Variants in CD47 observed in about 807,000 individuals in gnomAD.
CD47 encodes leukocyte surface antigen CD47.
In CD47, 11 loss-of-function variants were observed where a neutral mutation model predicts 44.6. The observed-to-expected ratio is 0.25, with a 90% CI of 0.16 to 0.41. The LOEUF (loss-of-function observed/expected upper bound fraction) is 0.41, where lower values mean the gene tolerates loss of function less well. Ranked by LOEUF, CD47 falls within the 10% of genes least tolerant of loss-of-function variation. CD47 has a pLI of 1.00. For synonymous variants in CD47, 140 were observed against 136.3 expected, an observed-to-expected ratio of 1.03 and a Z score of -0.19; for missense variants, 306 against 386.7, an observed-to-expected ratio of 0.79 and a Z score of 1.75.
intron 2 of CD47, among the ~76,000 whole-genome samples, chr3:108,076,951 A>C (rs1460319616): frequency 6.6e-6 from 1 of 152,192 alleles, no homozygotes; most frequent in Non-Finnish European, 1.5e-5. Flanking sequence ...TTCTTAAGCT[A>C]TTAAACAGTG....
intron 1 of CD47, among the ~76,000 whole-genome samples, chr3:108,090,192 C>A (rs1228933559): frequency 2.0e-5 from 3 of 151,158 alleles, no homozygotes; most frequent in Admixed American, 2.0e-4. Flanking sequence ...GCTGATGGGG[C>A]GTGAGGGTCA....
At chr3:108,088,237 C>T (rs1441349370) in intron 1 of CD47, among the ~76,000 whole-genome samples, 3 of 152,082 alleles carry the variant, frequency 2.0e-5, no homozygotes, top group Non-Finnish European at 4.4e-5. Context: ...TCTAGTTTTG[C>T]GAATATGCGT....
chr3:108,079,710 A>G (rs577842144), intron 2 of CD47, among the ~76,000 whole-genome samples: 2 of 151,998 alleles, frequency 1.3e-5, no homozygotes, highest in Non-Finnish European at 2.9e-5. Flanking sequence ...AGGACCAATC[A>G]GCCAAATAAA....
intron 1 of CD47, among the ~76,000 whole-genome samples, chr3:108,089,979 A>G (rs2079597332): frequency 1.4e-5 from 2 of 140,046 alleles, no homozygotes; most frequent in African/African-American, 5.3e-5. Context: ...TACAAAAGCG[A>G]AATGGATTCC....
rs570275699 is a variant in CD47 at position 108,081,228 on chromosome 3, T to C, written c.47-884A>G. On this transcript the variant is annotated intron_variant, in intron 1 of 10. Transcript: ENST00000361309. ...AGTTGTTGCCTTATAGAAGAGGCAC[T>C]GGGTAAATAAATGTAATCACTCATT... Among the ~76,000 whole-genome samples, 9 of 152,126 alleles carry C rather than the reference T, an allele frequency of 5.9e-5. No homozygotes were observed. The South Asian group carries it at 1.9e-3, about 31-fold the overall frequency.
intron 2 of CD47, among the ~76,000 whole-genome samples, chr3:108,079,567 T>TA (rs71629342): frequency 0.17 from 8,908 of 52,684 alleles, 1,734 homozygotes; most frequent in African/African-American, 0.24. Context: ...AGTGTAAGGT[T>TA]AAAAAAAAAA....
chr3:108,057,468 T>C lies in CD47; in HGVS notation c.877+9A>G, dbSNP rs747901520. 4.7e-6 allele frequency: 6 copies of C among 1,285,710 alleles called. No homozygotes were observed. The African/African-American group carries it at 7.3e-5, about 16-fold the overall frequency. 79.6% of individuals were successfully genotyped at this position (1,285,710 alleles called of 1,614,324 possible). On this transcript the variant is annotated intron_variant, in intron 7 of 10. Coordinates refer to ENST00000361309, the MANE Select transcript of CD47 (RefSeq NM_001777.4). ...TTGGCATAGGTTAATGAAAATAAGA[T>C]TGACTTACCCACAAATTTCATATAA...
At chr3:108,060,353 G>A (rs2078988207) in intron 4 of CD47, among the ~76,000 whole-genome samples, 1 of 152,212 alleles carries the variant, frequency 6.6e-6, no homozygotes, top group Non-Finnish European at 1.5e-5. Flanking sequence ...AATGACAAAT[G>A]TGCTCATAAG....
At chr3:108,067,017 C>T (rs1341507100) in intron 3 of CD47, among the ~76,000 whole-genome samples, 2 of 152,274 alleles carry the variant, frequency 1.3e-5, no homozygotes, top group East Asian at 3.9e-4. Context: ...AGGGGTATGA[C>T]AATTCACCAA....
Position 108,043,505 on chromosome 3 carries a change from A to C in CD47, c.*3783T>G, listed in dbSNP as rs2108209464. ...AACTTTGGTCTTCAAATCACTGCAA[A>C]AAAATGGCTACTGACAAATAGCACA... On this transcript the variant is annotated 3_prime_UTR_variant, in exon 11 of 11. Transcript: ENST00000361309. 6.5e-6 allele frequency: 1 copy of C among 152,690 alleles called. No homozygotes were observed. Among genetic ancestry groups the C allele is most frequent in the South Asian group, 2.1e-4 (1 of 4,822 alleles). The allele number at this position is 152,690 out of a possible 1,614,324, so 9.5% of individuals were successfully genotyped here.
intron 10 of CD47, among the ~76,000 whole-genome samples, chr3:108,048,541 T>C (rs1042146336): frequency 5.3e-5 from 8 of 151,946 alleles, no homozygotes; most frequent in Admixed American, 3.3e-4. Flanking sequence ...CCCGCCACCA[T>C]GCCCGGCTAA....
Position 108,090,914 on chromosome 3 carries a change from C to A in CD47, c.-6G>T. On this transcript the variant is annotated 5_prime_UTR_variant, in exon 1 of 11. Transcript: ENST00000361309. The stretch of plus-strand genomic sequence containing the variant: ...GCCGCTACCAGGGGCCACATCTCCG[C>A]GCCCGCCGCGGGGTCGCCGCCGCCG... 1 of 1,473,022 alleles carries A rather than the reference C, an allele frequency of 6.8e-7. No individual in the cohort carries two copies. The highest frequency in any genetic ancestry group is 1.3e-5 in the South Asian group (1 of 78,368). The allele number at this position is 1,473,022 out of a possible 1,614,324, so 91.2% of individuals were successfully genotyped here.
intron 10 of CD47, among the ~76,000 whole-genome samples, chr3:108,049,185 G>T (rs149781035): frequency 7.4e-5 from 11 of 148,914 alleles, no homozygotes; most frequent in African/African-American, 2.0e-4. Flanking sequence ...TTAGAACCAA[G>T]CTCCTGATTG....
intron 7 of CD47, chr3:108,055,418 A>T: frequency 1.7e-6 from 1 of 598,798 alleles, no homozygotes; most frequent in South Asian, 1.9e-5. Context: ...TTGCAACCTT[A>T]ATGTTACATA....
At chr3:108,075,009 G>A (rs2079284121) in intron 2 of CD47, among the ~76,000 whole-genome samples, 1 of 152,218 alleles carries the variant, frequency 6.6e-6, no homozygotes, top group African/African-American at 2.4e-5. Flanking sequence ...AGGGGAGAGT[G>A]AGACATGATA....
At chr3:108,058,461 T>C (rs1015510681) in intron 5 of CD47, 32 bp from the exon 6 acceptor site, 6 of 1,418,316 alleles carry the variant, frequency 4.2e-6, no homozygotes, top group Admixed American at 2.1e-5. Context: ...AACAGAAGCA[T>C]GTCAAGAGTA....
chr3:108,078,126 C>T (rs2079343749), intron 2 of CD47, among the ~76,000 whole-genome samples: 1 of 152,034 alleles, frequency 6.6e-6, no homozygotes. Flanking sequence ...TGGAAGCTCT[C>T]TATCTTTGAA....
At chr3:108,084,696 C>G (rs2079485684) in intron 1 of CD47, among the ~76,000 whole-genome samples, 1 of 152,086 alleles carries the variant, frequency 6.6e-6, no homozygotes, top group Admixed American at 6.6e-5. Context: ...GCCTAAATCA[C>G]TTTGCTAAAG....
In CD47 at chr3:108,059,471, G is replaced by C. The variant is rs2078974564; in HGVS notation, c.672C>G (p.His224Gln). 1 of 1,505,186 alleles carries C rather than the reference G, an allele frequency of 6.6e-7. No homozygotes were observed. The highest frequency in any genetic ancestry group is 1.4e-5 in the African/African-American group (1 of 69,856). The allele number at this position is 1,505,186 out of a possible 1,614,324, so 93.2% of individuals were successfully genotyped here. ...ACTCACCTGTACTAAACACATAGTA[G>C]TGAAGTAATATTAATATCCCTGTAG... is the stretch of plus-strand genomic sequence containing the variant. ...VTSTGILILL[H>Q]YYVFSTAIGL... The change falls in exon 5 of 11, where the codon CAC becomes CAG. Residue 224 changes from histidine (H) to glutamine (Q), a missense_variant. Transcript: ENST00000361309.
Sources: allele counts gnomAD v4.1 joint callset (sites outside exome capture counted in the v4.1 genomes callset), GRCh38; gene constraint gnomAD v4.1.1; transcripts MANE v1.5; gene names NCBI Gene and HGNC (gene_info 2026-07-23, HGNC 2026-07-21).